The following CSMD1 variants were observed in gnomAD, a reference collection of about 807,000 sequenced individuals.
CSMD1 encodes the protein CUB and sushi domain-containing protein 1.
In CSMD1, 213 loss-of-function variants were observed where a neutral mutation model predicts 417.5. The observed-to-expected ratio is 0.51, with a 90% CI of 0.46 to 0.57. CSMD1 has a LOEUF of 0.57. CSMD1 is among the 20% of genes least tolerant of loss of function. The pLI is 0.00. For missense variants in CSMD1, 6,923 were observed against 4,529.7 expected, an observed-to-expected ratio of 1.53 and a Z score of -15.17; for synonymous variants, 2,862 against 1,736.8, an observed-to-expected ratio of 1.65 and a Z score of -16.11.
At chr8:4,847,076 G>C (rs1458633934) in intron 1 of CSMD1, among the ~76,000 whole-genome samples, 1 of 152,020 alleles carries the variant, frequency 6.6e-6, no homozygotes, top group Non-Finnish European at 1.5e-5. Flanking sequence ...TGTCAAAATA[G>C]GGCACCACGC....
intron 3 of CSMD1, among the ~76,000 whole-genome samples, chr8:4,102,052 C>G (rs560906365): frequency 2.6e-5 from 4 of 152,290 alleles, no homozygotes; most frequent in South Asian, 4.2e-4. Flanking sequence ...AGTCAGTCTT[C>G]TGAGATCAGC....
rs528811954 is a variant in CSMD1, at chr8:4,217,978, A to C, written c.416-185879T>G. 5.9e-5 allele frequency among the ~76,000 whole-genome samples: 9 copies of C among 152,342 alleles called. 1 individual carries two copies. In the South Asian group the frequency reaches 1.9e-3, roughly 32 times the overall value. On this transcript the variant is annotated intron_variant, in intron 3 of 69. Transcript: ENST00000635120. ...AGGTAATGCCATGGTAGTTGGTGGG[A>C]AACAGTGAAGAAGAAATATCCAACC...
At chr8:4,117,805 C>A (rs138181270) in intron 3 of CSMD1, among the ~76,000 whole-genome samples, 1 of 152,036 alleles carries the variant, frequency 6.6e-6, no homozygotes, top group African/African-American at 2.4e-5. Context: ...CAGAACGTAT[C>A]CTAGAGGACA....
At chr8:3,597,214 T>C (rs900217) in intron 8 of CSMD1, among the ~76,000 whole-genome samples, 16,051 of 152,034 alleles carry the variant, frequency 0.11, 1,353 homozygotes, top group East Asian at 0.22. Flanking sequence ...AGAGGACTCA[T>C]GGTAAACATC....
At chr8:4,405,143 G>A (rs1268692532) in intron 3 of CSMD1, among the ~76,000 whole-genome samples, 2 of 152,148 alleles carry the variant, frequency 1.3e-5, no homozygotes, top group Non-Finnish European at 2.9e-5. Flanking sequence ...TCACATAGGA[G>A]AAGTACTCTT....
chr8:3,373,764 C>A (rs1810126275), intron 18 of CSMD1: 2 of 152,120 alleles, frequency 1.3e-5, no homozygotes, highest in Admixed American at 1.3e-4. Context: ...CTGTTGCTGT[C>A]CTTAATGCTA....
At chr8:4,834,187 C>T (rs891462194) in intron 1 of CSMD1, among the ~76,000 whole-genome samples, 1 of 152,092 alleles carries the variant, frequency 6.6e-6, no homozygotes, top group Non-Finnish European at 1.5e-5. Context: ...AGGTTTAAAT[C>T]TGTAATTTTA....
At chr8:3,250,356 G>C (rs951519600) in intron 26 of CSMD1, among the ~76,000 whole-genome samples, 4 of 152,142 alleles carry the variant, frequency 2.6e-5, no homozygotes, top group African/African-American at 2.4e-5. Flanking sequence ...ATGGTTTCCA[G>C]CTTCATCCCT....
intron 8 of CSMD1, among the ~76,000 whole-genome samples, chr8:3,587,091 C>A (rs1256262668): frequency 1.3e-5 from 2 of 152,206 alleles, no homozygotes; most frequent in Admixed American, 1.3e-4. Context: ...TGAGCCACTG[C>A]ACCCACCTGT....
intron 52 of CSMD1, among the ~76,000 whole-genome samples, chr8:3,010,077 T>G (rs1808264112): frequency 6.6e-6 from 1 of 152,178 alleles, no homozygotes; most frequent in African/African-American, 2.4e-5. Flanking sequence ...TGCCTGCCGG[T>G]GTCACGTCTT....
At chr8:4,412,349 G>T (rs1023355373) in intron 3 of CSMD1, among the ~76,000 whole-genome samples, 1 of 134,410 alleles carries the variant, frequency 7.4e-6, no homozygotes, top group African/African-American at 2.7e-5. Context: ...ACTGAAAAGT[G>T]TGTGGCACCT....
chr8:3,663,189 C>A (rs1585037662), intron 7 of CSMD1, among the ~76,000 whole-genome samples: 1 of 152,066 alleles, frequency 6.6e-6, no homozygotes, highest in East Asian at 1.9e-4. Flanking sequence ...ATTTCCAGCA[C>A]AGAGAAAGCG....
At chr8:4,345,512 G>C (rs536108711) in intron 3 of CSMD1, among the ~76,000 whole-genome samples, 5 of 151,972 alleles carry the variant, frequency 3.3e-5, no homozygotes, top group Non-Finnish European at 7.4e-5. Context: ...CAGTGACAAA[G>C]TGAAGAGACA....
At chr8:3,256,062 T>C (rs939986161) in intron 26 of CSMD1, among the ~76,000 whole-genome samples, 2 of 152,152 alleles carry the variant, frequency 1.3e-5, no homozygotes, top group Admixed American at 6.5e-5. Context: ...GTGAGGTGGC[T>C]CACACCTGTA....
At chr8:4,626,917 T>A (rs1308940057) in intron 2 of CSMD1, among the ~76,000 whole-genome samples, 1 of 152,158 alleles carries the variant, frequency 6.6e-6, no homozygotes, top group East Asian at 1.9e-4. Flanking sequence ...TTTTAGTACA[T>A]TCAAATATAA....
At chr8:4,220,281 G>A (rs1279847256) in intron 3 of CSMD1, among the ~76,000 whole-genome samples, 3 of 152,190 alleles carry the variant, frequency 2.0e-5, no homozygotes, top group African/African-American at 7.2e-5. Flanking sequence ...TTGTCAGTGA[G>A]GCCTTCCTGA....
chr8:4,460,924 G>A (rs1455426387), intron 2 of CSMD1, among the ~76,000 whole-genome samples: 2 of 151,962 alleles, frequency 1.3e-5, no homozygotes. Flanking sequence ...TATTTTATAA[G>A]GTCAATACCC....
At chr8:3,683,135 A>G (rs1178511444) in intron 7 of CSMD1, among the ~76,000 whole-genome samples, 2 of 152,178 alleles carry the variant, frequency 1.3e-5, no homozygotes, top group East Asian at 1.9e-4. Flanking sequence ...AACATGGCAC[A>G]TGTATACATA....
chr8:4,012,843 A>T (rs2554606), intron 4 of CSMD1, among the ~76,000 whole-genome samples: 2 of 151,230 alleles, frequency 1.3e-5, no homozygotes, highest in Non-Finnish European at 3.0e-5. Flanking sequence ...ACGAGAAGAC[A>T]CACGGTGCCA....
Sources: allele counts gnomAD v4.1 joint callset (sites outside exome capture counted in the v4.1 genomes callset), GRCh38; gene constraint gnomAD v4.1.1; transcripts MANE v1.5; gene names NCBI Gene and HGNC (gene_info 2026-07-23, HGNC 2026-07-21).